NSUN4: variants seen among roughly 807,000 people sequenced by gnomAD.
NSUN4 encodes the protein NOP2/Sun RNA methyltransferase 4, also known as 5-cytosine rRNA methyltransferase NSUN4.
NSUN4 carries 31 observed loss-of-function variants against 43.8 expected under a neutral mutation model. The observed-to-expected ratio is 0.71, with a 90% confidence interval of 0.53 to 0.96. The LOEUF is 0.96. NSUN4 is among the 40% of genes least tolerant of loss of function. NSUN4 has a pLI of 0.00. For synonymous variants in NSUN4, 167 were observed against 184.1 expected (o/e 0.91, Z 0.75); for missense variants, 439 against 475.6 (o/e 0.92, Z 0.72).
chr1:46,384,813 C>T, the NSUN4 span, among the ~76,000 whole-genome samples: 1 of 152,092 alleles, frequency 6.6e-6, no homozygotes, highest in Non-Finnish European at 1.5e-5. Context: ...CTTGAGTTTC[C>T]CTTCTTTCCA....
the NSUN4 span, among the ~76,000 whole-genome samples, chr1:46,371,210 C>T: frequency 6.6e-6 from 1 of 150,874 alleles, no homozygotes; most frequent in Non-Finnish European, 1.5e-5. Context: ...GATCGTGGCT[C>T]ACTGACTCCC....
Position 46,363,853 on chromosome 1 carries a change from G to A in NSUN4, c.*2007G>A, listed in dbSNP as rs1457898438. The A allele has an allele frequency of 6.6e-6, 1 of 152,302 alleles. No individual in the cohort carries two copies. The highest frequency in any genetic ancestry group is 1.5e-5 in the Non-Finnish European group (1 of 68,032). 9.4% of individuals were successfully genotyped at this position (152,302 alleles called of 1,614,324 possible). On this transcript the variant is annotated 3_prime_UTR_variant, in exon 6 of 6. Coordinates refer to ENST00000474844, the MANE Select transcript of NSUN4 (RefSeq NM_199044.4). ...ATTAAGTGAAAAAAGTTTAATCCCA[G>A]AAGAGTAAATGTAGCATGATGCCCT...
intron 3 of NSUN4, among the ~76,000 whole-genome samples, chr1:46,348,311 G>A (rs1662675041): frequency 6.6e-6 from 1 of 152,216 alleles, no homozygotes; most frequent in South Asian, 2.1e-4. Context: ...CTGCTGGCCG[G>A]TTCAGAAATG....
At chr1:46,378,412 G>C in the NSUN4 span, among the ~76,000 whole-genome samples, 1 of 152,102 alleles carries the variant, frequency 6.6e-6, no homozygotes, top group Non-Finnish European at 1.5e-5. Flanking sequence ...GAACAGGCTG[G>C]TCTTGAACTC....
rs1261708264 is a variant in NSUN4 at position 46,341,169 on chromosome 1, C to A, written c.93+250C>A. Reference sequence around the variant, plus strand: ...CAAGTTGCGTCATCACCTTCGCCTTCATTCTTTTAGTGATGTCACTGTCTC... The same window carrying A: ...CAAGTTGCGTCATCACCTTCGCCTTAATTCTTTTAGTGATGTCACTGTCTC... On this transcript the variant is annotated intron_variant, in intron 1 of 5. Transcript: ENST00000474844. 5 of 1,279,590 alleles carry A rather than the reference C, an allele frequency of 3.9e-6. No homozygotes were observed. In the East Asian group the frequency reaches 1.7e-4, roughly 44 times the overall value. The allele number at this position is 1,279,590 out of a possible 1,614,324, so 79.3% of individuals were successfully genotyped here.
At position 46,346,937 on chromosome 1, in the gene NSUN4, G is replaced by A; in HGVS notation, c.454G>A (p.Val152Ile). 6.2e-7 allele frequency: 1 copy of A among 1,613,710 alleles called. No individual in the cohort carries two copies. The highest frequency in any genetic ancestry group is 8.5e-7 in the Non-Finnish European group (1 of 1,179,880). The stretch of plus-strand genomic sequence containing the variant: ...CTTTTCCAGACCTGGCAGCCTGGGT[G>A]TCATGGAGTACTACCTGATGGATGC... ...FPPARPGSLG[V>I]MEYYLMDAAS... The change falls in exon 3 of 6, where the codon GTC (valine) becomes ATC (isoleucine). Residue 152 changes from valine (V) to isoleucine (I), a missense_variant. Physicochemically the swap from Val to Ile is conservative, Grantham distance 29 (BLOSUM62 3). Transcript: ENST00000474844.
chr1:46,341,896 G>C, intron 1 of NSUN4: 1 of 1,232,882 alleles, frequency 8.1e-7, no homozygotes, highest in East Asian at 3.2e-5. Context: ...ACTAATCTCT[G>C]TTACTCTAGC....
intron 3 of NSUN4, among the ~76,000 whole-genome samples, chr1:46,349,089 A>T (rs56121132): frequency 0.22 from 32,882 of 149,948 alleles, 4,119 homozygotes; most frequent in Non-Finnish European, 0.29. Context: ...CTGAGATTAC[A>T]GGTGTGAACC....
At chr1:46,341,423 C>G in intron 1 of NSUN4, 1 of 1,006,160 alleles carries the variant, frequency 9.9e-7, no homozygotes, top group Non-Finnish European at 1.2e-6. Context: ...TCCTCAACCT[C>G]GAGCTGCCTC....
chr1:46,374,857 C>T, the NSUN4 span, among the ~76,000 whole-genome samples: 1 of 150,642 alleles, frequency 6.6e-6, no homozygotes, highest in African/African-American at 2.4e-5. Context: ...CACTATACTC[C>T]AGCCTGGGTG....
intron 4 of NSUN4, among the ~76,000 whole-genome samples, chr1:46,355,234 C>T: frequency 6.6e-6 from 1 of 152,312 alleles, no homozygotes; most frequent in African/African-American, 2.4e-5. Context: ...GACCCATTAT[C>T]ATTATTCAGC....
Position 46,361,848 on chromosome 1 carries a change from A to G in NSUN4, c.*2A>G, listed in dbSNP as rs1420985075. ...TGCAAAATGCGTAGGCTGACATAGT[A>G]TCACCCAATCCCTGAAGCAAGAATA... On this transcript the variant is annotated 3_prime_UTR_variant, in exon 6 of 6. Transcript: ENST00000474844. 2 of 1,612,912 alleles carry G rather than the reference A, an allele frequency of 1.2e-6. No individual in the cohort carries two copies. Among genetic ancestry groups the G allele is most frequent in the Admixed American group, 1.7e-5 (1 of 59,890 alleles).
intron 2 of NSUN4, 178 bp downstream of exon 2, chr1:46,345,322 C>T (rs973985587): frequency 5.4e-6 from 3 of 555,678 alleles, no homozygotes; most frequent in Non-Finnish European, 6.3e-6. Context: ...TTTGTTCTGT[C>T]AGCAGCCTTA....
At chr1:46,341,528 T>A in intron 1 of NSUN4, 1 of 1,091,632 alleles carries the variant, frequency 9.2e-7, no homozygotes, top group Non-Finnish European at 1.1e-6. Flanking sequence ...CTCTGGACTC[T>A]CCTTGCTTCT....
At chr1:46,367,834 G>A (rs1050812904), downstream of NSUN4, among the ~76,000 whole-genome samples, 1 of 146,760 alleles carries the variant, frequency 6.8e-6, no homozygotes, top group African/African-American at 2.5e-5. Flanking sequence ...GTGTGATCTC[G>A]GCTCACTGCA....
At chr1:46,370,292 T>C in the NSUN4 span, among the ~76,000 whole-genome samples, 2 of 137,126 alleles carry the variant, frequency 1.5e-5, no homozygotes, top group African/African-American at 5.0e-5. Context: ...AAGGAAGTTG[T>C]AGTGAGCCAG....
chr1:46,379,941 C>T, the NSUN4 span, among the ~76,000 whole-genome samples: 46 of 152,160 alleles, frequency 3.0e-4, no homozygotes, highest in Non-Finnish European at 5.3e-4. Flanking sequence ...CCTTCTAATA[C>T]CATTACCTTG....
At chr1:46,354,315 C>A (rs942742308) in intron 4 of NSUN4, among the ~76,000 whole-genome samples, 1 of 151,406 alleles carries the variant, frequency 6.6e-6, no homozygotes, top group Non-Finnish European at 1.5e-5. Context: ...CCCAGGCTGG[C>A]CTCGAACTCC....
downstream of NSUN4, among the ~76,000 whole-genome samples, chr1:46,369,625 G>A (rs1288955066): frequency 2.0e-5 from 3 of 152,186 alleles, no homozygotes; most frequent in Non-Finnish European, 4.4e-5. Flanking sequence ...AATTAGTGAG[G>A]CAGAGGAGGA....
Sources: allele counts gnomAD v4.1 joint callset (sites outside exome capture counted in the v4.1 genomes callset), GRCh38; gene constraint gnomAD v4.1.1; transcripts MANE v1.5; gene names NCBI Gene and HGNC (gene_info 2026-07-23, HGNC 2026-07-21).